SLC66A1: variants seen among roughly 807,000 people sequenced by gnomAD.
SLC66A1 encodes the protein solute carrier family 66 member 1.
A neutral mutation model predicts 33.0 loss-of-function variants in SLC66A1; 23 were observed. The observed-to-expected ratio is 0.70, with a 90% CI of 0.50 to 0.99. SLC66A1 has a LOEUF of 0.99. SLC66A1 is among the 50% of genes least tolerant of loss of function. The pLI, the probability that SLC66A1 is intolerant of heterozygous loss-of-function variation, is 0.00. For synonymous variants in SLC66A1, 164 were observed against 175.5 expected, an observed-to-expected ratio of 0.93 and a Z score of 0.52; for missense variants, 335 against 383.6, an observed-to-expected ratio of 0.87 and a Z score of 1.06.
chr1:19,328,632 C>T lies in SLC66A1; in HGVS notation c.865C>T (p.Leu289Phe), dbSNP rs1340671545. 3.7e-6 allele frequency: 6 copies of T among 1,613,780 alleles called. No homozygotes were observed. The highest frequency in any genetic ancestry group is 5.1e-6 in the Non-Finnish European group (6 of 1,179,936). ...CGCCGCCTCGGAGCTTGAGCCCCTC[C>T]TCCCCAGCTGACCAGAACCAGGCTG... ...STAASELEPL[L>F]PS The change falls in exon 8 of 8, where the codon CTC becomes TTC. Residue 289 changes from leucine to phenylalanine, a missense_variant. Leu to Phe is a conservative substitution (Grantham distance 22). Coordinates refer to ENST00000375153, the MANE Select transcript of SLC66A1 (RefSeq NM_001040125.2). This position sits in a 1 kb window ranked among gnomAD's most constrained non-coding sequence, Gnocchi z 4.7.
intron 7 of SLC66A1, 74 bp downstream of exon 7, chr1:19,327,486 C>G: frequency 6.8e-7 from 1 of 1,469,242 alleles, no homozygotes; most frequent in Non-Finnish European, 9.3e-7. Context: ...AGCGTCAGCA[C>G]TCATCCGTCT....
rs531278840 is a variant in SLC66A1 at position 19,325,018 on chromosome 1, A to G, written c.294+256A>G. Among the ~76,000 whole-genome samples, 5 of 152,316 alleles carry G rather than the reference A, an allele frequency of 3.3e-5. No homozygotes were observed. In the South Asian group the frequency reaches 6.2e-4, roughly 19 times the overall value. ...GAAGGTTTCGGGGTCTTCCACCTCC[A>G]GGGTGCTGGAGTGCTGGCGAAGCTT... On this transcript the variant is annotated intron_variant, in intron 3 of 7. Transcript: ENST00000375153.
chr1:19,325,049 G>A (rs549578204), intron 3 of SLC66A1, among the ~76,000 whole-genome samples: 11 of 152,348 alleles, frequency 7.2e-5, no homozygotes, highest in Non-Finnish European at 1.3e-4. Flanking sequence ...AGCTTTCAGA[G>A]GGTGGGCCCC....
chr1:19,327,752 G>A (rs796627023), intron 7 of SLC66A1: 7 of 463,718 alleles, frequency 1.5e-5, no homozygotes, highest in African/African-American at 2.0e-5. Context: ...CAACAAGAGC[G>A]TCTAGCCAGG....
At chr1:19,326,826 G>T (rs2093870331) in intron 6 of SLC66A1, among the ~76,000 whole-genome samples, 1 of 152,282 alleles carries the variant, frequency 6.6e-6, no homozygotes. Flanking sequence ...TGGCCTGCCA[G>T]CCAGGCTACA....
downstream of SLC66A1, among the ~76,000 whole-genome samples, chr1:19,334,144 C>T (rs927214101): frequency 2.0e-5 from 3 of 152,162 alleles, no homozygotes; most frequent in African/African-American, 7.2e-5. Context: ...ACTCCACCCC[C>T]ACCAAACAGT....
rs745903487 is a variant in SLC66A1 at position 19,326,528 on chromosome 1, C to T, written c.526-3C>T. 1 of 1,614,122 alleles carries T rather than the reference C, an allele frequency of 6.2e-7. No homozygotes were observed. Among genetic ancestry groups the T allele is most frequent in the African/African-American group, 1.3e-5 (1 of 74,946 alleles). ...ACACCAAGTGCCCCCTTCTGCCCCA[C>T]AGCCCTTCACCCGGCAGGAAGTCAT... On this transcript the variant is annotated splice_polypyrimidine_tract_variant and splice_region_variant and intron_variant, in intron 5 of 7. Transcript: ENST00000375153.
intron 1 of SLC66A1, chr1:19,313,185 A>G: frequency 1.0e-6 from 1 of 985,338 alleles, no homozygotes; most frequent in Non-Finnish European, 1.2e-6. Flanking sequence ...AAGCTCAATC[A>G]CTTGAGTTCC....
rs2093783949 is a variant in SLC66A1 at position 19,312,787 on chromosome 1, G to A, written c.-181G>A. Reference sequence around the variant, plus strand: ...GCTGTGGCCGAGGACGCCGAGGCCTGGAGTGGGTGGTAGCCCCGAGCTGGG... The same window carrying A: ...GCTGTGGCCGAGGACGCCGAGGCCTAGAGTGGGTGGTAGCCCCGAGCTGGG... On this transcript the variant is annotated 5_prime_UTR_variant, in exon 1 of 8. The change creates a premature stop within an existing upstream ORF in the 5' untranslated region. Coordinates refer to ENST00000375153, the MANE Select transcript of SLC66A1 (RefSeq NM_001040125.2). 6.5e-6 allele frequency: 1 copy of A among 153,220 alleles called. No individual in the cohort carries two copies. Among genetic ancestry groups the A allele is most frequent in the South Asian group, 2.1e-4 (1 of 4,844 alleles). The allele number at this position is 153,220 out of a possible 1,614,324, so 9.5% of individuals were successfully genotyped here.
In SLC66A1 at chr1:19,328,530, C is replaced by G. The variant is rs755488676; in HGVS notation, c.805-42C>G. 6.3e-7 allele frequency: 1 copy of G among 1,581,778 alleles called. No individual in the cohort carries two copies. The highest frequency in any genetic ancestry group is 2.3e-5 in the East Asian group (1 of 43,788). On this transcript the variant is annotated intron_variant, in intron 7 of 7. Coordinates refer to ENST00000375153, the MANE Select transcript of SLC66A1 (RefSeq NM_001040125.2). This position sits in a 1 kb window ranked among gnomAD's most constrained non-coding sequence, Gnocchi z 4.7. ...CGAAGGCCCCCAGGGGCAGGTCCAA[C>G]CCAGTCTCTGCTCAGCTTGGCCTTA...
At chr1:19,317,154 C>G (rs1306638961) in intron 1 of SLC66A1, among the ~76,000 whole-genome samples, 1 of 152,082 alleles carries the variant, frequency 6.6e-6, no homozygotes, top group African/African-American at 2.4e-5. Flanking sequence ...TAGGAATACC[C>G]TAAGTGTTCA....
At chr1:19,316,167 C>T (rs2093803932) in intron 1 of SLC66A1, among the ~76,000 whole-genome samples, 1 of 152,206 alleles carries the variant, frequency 6.6e-6, no homozygotes, top group African/African-American at 2.4e-5. Flanking sequence ...CTGGCTTTGT[C>T]ATTGTGACGG....
Position 19,324,780 on chromosome 1 carries a change from C to A in SLC66A1, c.294+18C>A. On this transcript the variant is annotated intron_variant, in intron 3 of 7. Coordinates refer to ENST00000375153, the MANE Select transcript of SLC66A1 (RefSeq NM_001040125.2). ...CCCTGCAGGTGGGCCGGTACCCGGG[C>A]AAGGTGGCGCTACCCCTAACCCTGC... is the stretch of plus-strand genomic sequence containing the variant. 6.2e-7 allele frequency: 1 copy of A among 1,613,434 alleles called. No individual in the cohort carries two copies. The highest frequency in any genetic ancestry group is 8.5e-7 in the Non-Finnish European group (1 of 1,179,768).
rs773371220 is a variant in SLC66A1 at position 19,328,670 on chromosome 1, C to T, written c.*27C>T. 6.2e-7 allele frequency: 1 copy of T among 1,609,036 alleles called. No individual in the cohort carries two copies. The highest frequency in any genetic ancestry group is 8.5e-7 in the Non-Finnish European group (1 of 1,176,468). On this transcript the variant is annotated 3_prime_UTR_variant, in exon 8 of 8. Transcript: ENST00000375153. This position sits in a 1 kb window ranked among gnomAD's most constrained non-coding sequence, Gnocchi z 4.7. Reference sequence around the variant, plus strand: ...CAGAACCAGGCTGAGCGCAGGAGGACAGGCACCACCGGATGCCACACCAGG... The same window carrying T: ...CAGAACCAGGCTGAGCGCAGGAGGATAGGCACCACCGGATGCCACACCAGG...
At chr1:19,320,171 G>T (rs1395173428) in intron 2 of SLC66A1, among the ~76,000 whole-genome samples, 1 of 151,784 alleles carries the variant, frequency 6.6e-6, no homozygotes, top group Non-Finnish European at 1.5e-5. Flanking sequence ...AAAGTGCTGG[G>T]ATTATAGGTA....
chr1:19,328,660 C>T lies in SLC66A1; in HGVS notation c.*17C>T, dbSNP rs576116776. 91 of 1,611,750 alleles carry T rather than the reference C, an allele frequency of 5.6e-5. 1 individual carries two copies. Among genetic ancestry groups the T allele is most frequent in the Non-Finnish European group, 7.5e-5 (89 of 1,179,022 alleles). ...CCCAGCTGACCAGAACCAGGCTGAG[C>T]GCAGGAGGACAGGCACCACCGGATG... On this transcript the variant is annotated 3_prime_UTR_variant, in exon 8 of 8. Coordinates refer to ENST00000375153, the MANE Select transcript of SLC66A1 (RefSeq NM_001040125.2). The surrounding 1 kb of genome is among the most constrained non-coding windows in gnomAD (Gnocchi z 4.7).
chr1:19,320,815 C>T (rs2093833087), intron 2 of SLC66A1, among the ~76,000 whole-genome samples: 1 of 149,402 alleles, frequency 6.7e-6, no homozygotes, highest in Non-Finnish European at 1.5e-5. Context: ...CGGGTTCAAG[C>T]GATTCTCCTG....
intron 2 of SLC66A1, among the ~76,000 whole-genome samples, chr1:19,318,381 C>T (rs2152001041): frequency 6.6e-6 from 1 of 152,288 alleles, no homozygotes; most frequent in African/African-American, 2.4e-5. Flanking sequence ...ACATGCTGCA[C>T]AGGGGTCAAG....
intron 2 of SLC66A1, among the ~76,000 whole-genome samples, chr1:19,324,089 T>A (rs1192090174): frequency 6.6e-6 from 1 of 152,216 alleles, no homozygotes; most frequent in African/African-American, 2.4e-5. Flanking sequence ...ATAGTGGAGC[T>A]CCAGGCGCCT....
Sources: gnomAD v4.1 joint callset for allele counts (sites outside exome capture counted in the v4.1 genomes callset) on GRCh38, gnomAD v4.1.1 for gene constraint, Gnocchi (gnomAD v3.1) non-coding constraint, MANE v1.5 for transcripts, NCBI Gene and HGNC (gene_info 2026-07-23, HGNC 2026-07-21) for gene names.